The following AGBL1 variants were observed in gnomAD, a reference collection of about 807,000 sequenced individuals.
The protein encoded by AGBL1 is cytosolic carboxypeptidase 4.
Under a neutral mutation model 118.9 loss-of-function variants are expected in AGBL1, and 130 were observed. That is an observed-to-expected ratio of 1.09 (90% CI 0.95 to 1.26). The LOEUF is 1.26. Ranked by LOEUF, AGBL1 falls within the 50% of genes most tolerant of loss-of-function variation. The pLI is 0.00. For synonymous variants in AGBL1, 555 were observed against 478.9 expected (o/e 1.16, Z -2.08); for missense variants, 1,584 against 1,298.1 (o/e 1.22, Z -3.38).
At chr15:86,670,934 T>C (rs751258214) in intron 21 of AGBL1, among the ~76,000 whole-genome samples, 3 of 152,090 alleles carry the variant, frequency 2.0e-5, no homozygotes, top group Non-Finnish European at 4.4e-5. Flanking sequence ...AGGGTTGTAC[T>C]GGTTAGCTTT....
chr15:86,934,336 G>T (rs1053872873), intron 23 of AGBL1, among the ~76,000 whole-genome samples: 1 of 152,052 alleles, frequency 6.6e-6, no homozygotes, highest in East Asian at 1.9e-4. Flanking sequence ...GCAAGAAAAA[G>T]GTCTAACAGC....
At position 86,381,386 on chromosome 15, in the gene AGBL1, C is replaced by G. The variant is rs140511142; in HGVS notation, c.2375-15980C>G. Among the ~76,000 whole-genome samples, 257 of 151,846 alleles carry G rather than the reference C, an allele frequency of 1.7e-3. 1 individual carries two copies. Among genetic ancestry groups the G allele is most frequent in the African/African-American group, 5.9e-3 (242 of 41,296 alleles). On this transcript the variant is annotated intron_variant, in intron 17 of 22. Transcript: ENST00000614907. ...AATGTTTATTTCAATTTAATAGTTT[C>G]TTTTCATGTTTTGGAGCTGATACAC...
intron 1 of AGBL1, among the ~76,000 whole-genome samples, chr15:86,100,283 A>G (rs895145533): frequency 2.0e-5 from 3 of 152,110 alleles, no homozygotes; most frequent in Non-Finnish European, 4.4e-5. Flanking sequence ...GTTGGCATGC[A>G]GTGTTCTTTT....
chr15:86,412,886 C>A (rs2081641884), intron 18 of AGBL1, among the ~76,000 whole-genome samples: 1 of 152,128 alleles, frequency 6.6e-6, no homozygotes, highest in African/African-American at 2.4e-5. Flanking sequence ...CATATATTAT[C>A]TTTTAATTCT....
At chr15:86,397,617 A>G (rs28715326) in intron 18 of AGBL1, 71 bp downstream of exon 18, 34,320 of 1,438,840 alleles carry the variant, frequency 0.024, 1,216 homozygotes, top group African/African-American at 0.16. Flanking sequence ...TTCACCAAGT[A>G]GGCGTGATTG....
intron 21 of AGBL1, among the ~76,000 whole-genome samples, chr15:86,650,117 G>T (rs961635263): frequency 1.2e-4 from 19 of 152,232 alleles, no homozygotes; most frequent in African/African-American, 4.1e-4. Flanking sequence ...TGTGGCACAG[G>T]GGGCATTTAG....
chr15:86,389,833 C>T (rs1214983222), intron 17 of AGBL1, among the ~76,000 whole-genome samples: 1 of 151,820 alleles, frequency 6.6e-6, no homozygotes, highest in Non-Finnish European at 1.5e-5. Context: ...ACAATCAATC[C>T]AAATGAAGGT....
chr15:86,822,760 A>C (rs371488679), intron 22 of AGBL1, among the ~76,000 whole-genome samples: 2 of 152,134 alleles, frequency 1.3e-5, no homozygotes, highest in Non-Finnish European at 2.9e-5. Flanking sequence ...GTGGCAAGAC[A>C]AGATAGTGGA....
At chr15:86,570,485 G>C (rs2083989286) in intron 21 of AGBL1, among the ~76,000 whole-genome samples, 1 of 152,176 alleles carries the variant, frequency 6.6e-6, no homozygotes, top group African/African-American at 2.4e-5. Context: ...TATTCATAAA[G>C]ATTCCTGGAA....
chr15:86,312,470 C>G (rs2079935464), intron 17 of AGBL1: 1 of 152,190 alleles, frequency 6.6e-6, no homozygotes, highest in African/African-American at 2.4e-5. Context: ...AAATGTATGT[C>G]CATGAGCCAC....
chr15:86,832,169 GC>G (rs1484573120), intron 22 of AGBL1, among the ~76,000 whole-genome samples: 1 of 152,142 alleles, frequency 6.6e-6, no homozygotes, highest in Non-Finnish European at 1.5e-5. Flanking sequence ...TTCCTCCTAG[GC>G]CCCCAGGTCT....
intron 17 of AGBL1, among the ~76,000 whole-genome samples, chr15:86,330,684 A>G (rs1275370569): frequency 6.6e-6 from 1 of 152,218 alleles, no homozygotes; most frequent in Non-Finnish European, 1.5e-5. Context: ...GATTGCAAAG[A>G]AGCTCAATGA....
chr15:86,212,620 A>G (rs1277820376), intron 5 of AGBL1, among the ~76,000 whole-genome samples: 1 of 152,192 alleles, frequency 6.6e-6, no homozygotes, highest in Non-Finnish European at 1.5e-5. Flanking sequence ...ACTAAATCCC[A>G]TCCTTTAAAG....
At chr15:86,712,864 C>T (rs989448932) in intron 22 of AGBL1, among the ~76,000 whole-genome samples, 2 of 152,154 alleles carry the variant, frequency 1.3e-5, no homozygotes, top group Non-Finnish European at 2.9e-5. Flanking sequence ...TGAACAGAAG[C>T]CTTAAGCACC....
chr15:86,482,492 T>A (rs1401962343), intron 18 of AGBL1, among the ~76,000 whole-genome samples: 1 of 152,282 alleles, frequency 6.6e-6, no homozygotes, highest in African/African-American at 2.4e-5. Flanking sequence ...TAATCTATTC[T>A]GAATGAGATG....
intron 22 of AGBL1, among the ~76,000 whole-genome samples, chr15:86,697,209 T>C (rs1157097480): frequency 6.6e-6 from 1 of 151,962 alleles, no homozygotes; most frequent in Non-Finnish European, 1.5e-5. Flanking sequence ...ACTTTTAAAT[T>C]TCTCTTCTTC....
At chr15:86,607,886 C>A (rs1159010987) in intron 21 of AGBL1, among the ~76,000 whole-genome samples, 2 of 152,054 alleles carry the variant, frequency 1.3e-5, no homozygotes, top group Non-Finnish European at 2.9e-5. Context: ...TAAGGAAAGT[C>A]TAGGCAGGCA....
chr15:86,496,167 G>C (rs1289517817), intron 18 of AGBL1, among the ~76,000 whole-genome samples: 2 of 152,000 alleles, frequency 1.3e-5, no homozygotes. Context: ...TCTCATGATA[G>C]TGAATGAGTT....
chr15:86,111,593 G>A (rs191094557), intron 1 of AGBL1, among the ~76,000 whole-genome samples: 110 of 152,242 alleles, frequency 7.2e-4, no homozygotes, highest in Admixed American at 1.5e-3. Flanking sequence ...AGAGGTATTT[G>A]GAAAAGAAGT....
Sources: allele counts gnomAD v4.1 joint callset (sites outside exome capture counted in the v4.1 genomes callset), GRCh38; gene constraint gnomAD v4.1.1; transcripts MANE v1.5; gene names NCBI Gene and HGNC (gene_info 2026-07-23, HGNC 2026-07-21).